ULK4: variants seen among roughly 807,000 people sequenced by gnomAD.
ULK4 encodes the protein inactive serine/threonine-protein kinase ULK4.
Under a neutral mutation model 160.6 loss-of-function variants are expected in ULK4, and 133 were observed. That is an observed-to-expected ratio of 0.83 (90% CI 0.72 to 0.96). ULK4 has a LOEUF of 0.96. ULK4 is among the 40% of genes least tolerant of loss of function. ULK4 has a pLI of 0.00. For missense variants in ULK4, 1,580 were observed against 1,499.5 expected, an observed-to-expected ratio of 1.05 and a Z score of -0.89; for synonymous variants, 534 against 539.8, an observed-to-expected ratio of 0.99 and a Z score of 0.15.
intron 19 of ULK4, among the ~76,000 whole-genome samples, chr3:41,811,628 C>G (rs1415917063): frequency 6.6e-6 from 1 of 152,124 alleles, no homozygotes; most frequent in African/African-American, 2.4e-5. Context: ...TCATTATTCA[C>G]GGAATACTAG....
intron 21 of ULK4, among the ~76,000 whole-genome samples, chr3:41,784,734 C>T (rs1210594443): frequency 6.6e-6 from 1 of 152,192 alleles, no homozygotes; most frequent in East Asian, 1.9e-4. Flanking sequence ...ACCCAAGTAG[C>T]TAATGCAGAT....
At chr3:41,326,136 A>AG (rs940355613) in intron 35 of ULK4, among the ~76,000 whole-genome samples, 22 of 151,198 alleles carry the variant, frequency 1.5e-4, no homozygotes, top group South Asian at 1.0e-3. Flanking sequence ...AAGCATGGGC[A>AG]GGGGGGGGCT....
Position 41,375,936 on chromosome 3 carries a change from G to GA in ULK4, c.3678+22142dup, listed in dbSNP as rs1400917405. 3.6e-4 allele frequency among the ~76,000 whole-genome samples: 53 copies of GA among 148,998 alleles called. 2 individuals are homozygous for GA. The highest frequency in any genetic ancestry group is 7.3e-4 in the Admixed American group (11 of 15,012). On this transcript the variant is annotated intron_variant, in intron 35 of 36. Transcript: ENST00000301831. ...ACAAGGAACTTAAACAAATTTACGA[G>GA]AAAAAAAACAAACAACCCCATGAAA...
chr3:41,356,806 T>C (rs1331806033), intron 35 of ULK4, among the ~76,000 whole-genome samples: 1 of 152,096 alleles, frequency 6.6e-6, no homozygotes, highest in Non-Finnish European at 1.5e-5. Context: ...GGGGAGCAGC[T>C]TCAAGGGAGA....
intron 2 of ULK4, 130 bp from the exon 3 acceptor site, chr3:41,938,327 A>G: frequency 1.5e-6 from 1 of 662,336 alleles, no homozygotes; most frequent in South Asian, 2.3e-5. Context: ...AATTCTATAC[A>G]GACATTAGAA....
intron 32 of ULK4, among the ~76,000 whole-genome samples, chr3:41,544,771 G>A (rs1228403508): frequency 1.3e-5 from 2 of 152,186 alleles, no homozygotes. Flanking sequence ...AGGGAGGTAT[G>A]AGACAGGTCA....
At chr3:41,340,737 C>T (rs777945037) in intron 35 of ULK4, among the ~76,000 whole-genome samples, 5 of 152,254 alleles carry the variant, frequency 3.3e-5, no homozygotes, top group South Asian at 2.1e-4. Flanking sequence ...CTGAACTAGA[C>T]GATCTCCAAA....
intron 32 of ULK4, among the ~76,000 whole-genome samples, chr3:41,540,477 G>A (rs1420924322): frequency 6.6e-6 from 1 of 152,144 alleles, no homozygotes; most frequent in Non-Finnish European, 1.5e-5. Context: ...TTGCTATTGT[G>A]GATAGTGCCA....
rs1428112462 is a variant in ULK4 at position 41,895,569 on chromosome 3, AAT to A, written c.1531-7_1531-6del. ...ATGCTGGATTAGCAATTGGAACTAG[AAT>A]AAGAAATTTAAGTGTAAAGAAAAGA... On this transcript the variant is annotated splice_polypyrimidine_tract_variant and splice_region_variant and intron_variant, in intron 15 of 36. Transcript: ENST00000301831. 5 of 1,501,916 alleles carry A rather than the reference AAT, an allele frequency of 3.3e-6. No homozygotes were observed. The South Asian group carries it at 4.1e-5, about 12-fold the overall frequency. 93.0% of individuals were successfully genotyped at this position (1,501,916 alleles called of 1,614,324 possible).
At chr3:41,516,798 A>G (rs575663308) in intron 32 of ULK4, among the ~76,000 whole-genome samples, 10 of 152,306 alleles carry the variant, frequency 6.6e-5, no homozygotes, top group Admixed American at 5.2e-4. Flanking sequence ...ATAGTCAATA[A>G]TAATTGTTTA....
chr3:41,537,287 C>A (rs1220162649), intron 32 of ULK4, among the ~76,000 whole-genome samples: 1 of 152,136 alleles, frequency 6.6e-6, no homozygotes, highest in East Asian at 1.9e-4. Flanking sequence ...TAGTTTTCTC[C>A]AGCAGGAATT....
intron 5 of ULK4, among the ~76,000 whole-genome samples, chr3:41,923,876 A>G (rs150058194): frequency 6.6e-6 from 1 of 152,228 alleles, no homozygotes; most frequent in Non-Finnish European, 1.5e-5. Context: ...GTAGTTTGAC[A>G]TAACCCCCAT....
At chr3:41,706,838 A>ATAT (rs1389593148) in intron 25 of ULK4, among the ~76,000 whole-genome samples, 45 of 125,302 alleles carry the variant, frequency 3.6e-4, no homozygotes, top group African/African-American at 1.4e-3. Flanking sequence ...AAAAAAAAAA[A>ATAT]AAAAAAAAAT....
chr3:41,465,955 G>A (rs1390950455), intron 32 of ULK4, among the ~76,000 whole-genome samples: 5 of 152,122 alleles, frequency 3.3e-5, no homozygotes, highest in African/African-American at 7.2e-5. Context: ...AAGTGGGAAG[G>A]GTAGACGAAG....
chr3:41,476,835 A>T (rs2084161548), intron 32 of ULK4, among the ~76,000 whole-genome samples: 1 of 152,306 alleles, frequency 6.6e-6, no homozygotes, highest in African/African-American at 2.4e-5. Context: ...ACATGAAAAT[A>T]TTAACATCCG....
intron 16 of ULK4, among the ~76,000 whole-genome samples, chr3:41,890,315 C>A (rs1697873860): frequency 6.6e-6 from 1 of 152,054 alleles, no homozygotes; most frequent in Admixed American, 6.5e-5. Context: ...CCACACCCAT[C>A]CTGTAGGGGT....
At chr3:41,937,873 T>C in intron 3 of ULK4, 1 of 324,686 alleles carries the variant, frequency 3.1e-6, no homozygotes, top group South Asian at 1.4e-4. Context: ...ATTTCTAAAT[T>C]TTTATGTATA....
At chr3:41,492,320 A>T (rs555750239) in intron 32 of ULK4, among the ~76,000 whole-genome samples, 2 of 152,218 alleles carry the variant, frequency 1.3e-5, no homozygotes, top group Non-Finnish European at 2.9e-5. Flanking sequence ...GACTTCCACA[A>T]TGGTTGAACT....
intron 35 of ULK4, among the ~76,000 whole-genome samples, chr3:41,257,318 A>T (rs999946800): frequency 6.6e-6 from 1 of 152,118 alleles, no homozygotes; most frequent in Non-Finnish European, 1.5e-5. Context: ...TTGGAAGACG[A>T]TTTGGCAGTT....
Sources: gnomAD v4.1 joint callset for allele counts (sites outside exome capture counted in the v4.1 genomes callset) on GRCh38, gnomAD v4.1.1 for gene constraint, MANE v1.5 for transcripts, NCBI Gene and HGNC (gene_info 2026-07-23, HGNC 2026-07-21) for gene names.